LGALS9: variants seen among roughly 807,000 people sequenced by gnomAD.
LGALS9 encodes the protein galectin 9, also known as galectin-9.
A neutral mutation model predicts 35.9 loss-of-function variants in LGALS9; 26 were observed. That is an observed-to-expected ratio of 0.72 (90% confidence interval 0.53 to 1.01). The LOEUF (loss-of-function observed/expected upper bound fraction) is 1.01. LGALS9 is among the 50% of genes least tolerant of loss of function. The pLI, the probability that LGALS9 is intolerant of heterozygous loss-of-function variation, is 0.00. For missense variants in LGALS9, 347 were observed against 445.8 expected, an observed-to-expected ratio of 0.78 and a Z score of 1.99; for synonymous variants, 149 against 172.2, an observed-to-expected ratio of 0.87 and a Z score of 1.06.
At chr17:27,646,801 C>T (rs1039465138) in intron 8 of LGALS9, among the ~76,000 whole-genome samples, 1 of 152,194 alleles carries the variant, frequency 6.6e-6, no homozygotes, top group East Asian at 1.9e-4. Flanking sequence ...TTGCATGTCC[C>T]TCCCTTTTCA....
intron 7 of LGALS9, 56 bp from the exon 8 acceptor site, chr17:27,646,491 G>T: frequency 6.2e-7 from 1 of 1,611,178 alleles, no homozygotes; most frequent in South Asian, 1.1e-5. Context: ...GCGCCTGGGT[G>T]AGTGCTCGCG....
At chr17:27,645,670 C>T (rs538373530) in intron 6 of LGALS9, 191 bp from the exon 7 acceptor site, 1 of 607,440 alleles carries the variant, frequency 1.6e-6, no homozygotes, top group Non-Finnish European at 2.9e-6. Flanking sequence ...CTGTCTTCTC[C>T]AGGGTTCTAA....
At chr17:27,638,623 A>G in intron 2 of LGALS9, 1 of 386,684 alleles carries the variant, frequency 2.6e-6, no homozygotes, top group Non-Finnish European at 4.9e-6. Flanking sequence ...GAGTTGGATG[A>G]TTATGTTCTG....
At chr17:27,642,606 G>A (rs552543371) in intron 4 of LGALS9, among the ~76,000 whole-genome samples, 2 of 152,028 alleles carry the variant, frequency 1.3e-5, no homozygotes, top group East Asian at 3.9e-4. Context: ...TCATCCCTCA[G>A]TTTCCATCCT....
chr17:27,648,929 A>T lies in LGALS9; in HGVS notation c.1015A>T (p.Ile339Phe), dbSNP rs1905126214. 3 of 1,613,874 alleles carry T rather than the reference A, an allele frequency of 1.9e-6. No individual in the cohort carries two copies. The African/African-American group carries it at 4.0e-5, about 22-fold the overall frequency. The change falls in exon 11 of 11, where the codon ATC becomes TTC. Residue 339 changes from isoleucine to phenylalanine, a missense_variant. Transcript: ENST00000395473. ...CCATCGCCTGAGGAACCTGCCCACCATCAACAGACTGGAAGTGGGGGGCGA... is the reference window on the plus strand; with the variant it reads ...CCATCGCCTGAGGAACCTGCCCACCTTCAACAGACTGGAAGTGGGGGGCGA... ...YYHRLRNLPT[I>F]NRLEVGGDIQ...
chr17:27,636,607 T>C (rs1457678627), intron 1 of LGALS9, among the ~76,000 whole-genome samples: 1 of 151,940 alleles, frequency 6.6e-6, no homozygotes, highest in East Asian at 1.9e-4. Flanking sequence ...GTAACTAGAG[T>C]TAAAGGTGTG....
chr17:27,631,454 C>T (rs1270307094), intron 1 of LGALS9, 150 bp downstream of exon 1: 1 of 1,058,754 alleles, frequency 9.4e-7, no homozygotes, highest in Non-Finnish European at 1.4e-6. Flanking sequence ...AGGAGGTCAT[C>T]CTGGCACACC....
At chr17:27,634,066 C>G (rs1598178072) in intron 1 of LGALS9, among the ~76,000 whole-genome samples, 1 of 152,246 alleles carries the variant, frequency 6.6e-6, no homozygotes, top group Non-Finnish European at 1.5e-5. Flanking sequence ...CCACAGCAGC[C>G]TTGGCTGGCC....
chr17:27,632,625 C>CA (rs1272107388), intron 1 of LGALS9, among the ~76,000 whole-genome samples: 1 of 152,150 alleles, frequency 6.6e-6, no homozygotes, highest in Non-Finnish European at 1.5e-5. Context: ...GGTTTTCTGT[C>CA]AAAGAGGGGA....
chr17:27,644,755 G>A (rs1904804843), intron 5 of LGALS9: 1 of 155,722 alleles, frequency 6.4e-6, no homozygotes, highest in African/African-American at 2.4e-5. Flanking sequence ...CCTGGCCCTG[G>A]CGCTGGCCCT....
intron 1 of LGALS9, among the ~76,000 whole-genome samples, chr17:27,637,354 G>A (rs529950338): frequency 1.6e-4 from 24 of 152,292 alleles, no homozygotes; most frequent in African/African-American, 5.5e-4. Context: ...TACAGATGAG[G>A]AAACTGAGGC....
intron 1 of LGALS9, among the ~76,000 whole-genome samples, chr17:27,633,318 C>G (rs1483696341): frequency 6.6e-6 from 1 of 152,230 alleles, no homozygotes; most frequent in Non-Finnish European, 1.5e-5. Flanking sequence ...CCAAATGCCA[C>G]AGCAGCCTTA....
intron 2 of LGALS9, among the ~76,000 whole-genome samples, chr17:27,639,958 G>A (rs1409484283): frequency 1.3e-5 from 2 of 151,988 alleles, no homozygotes; most frequent in Admixed American, 6.5e-5. Context: ...GGATGGTCTC[G>A]AACTCCAGAC....
chr17:27,634,427 T>G (rs1185622446), intron 1 of LGALS9, among the ~76,000 whole-genome samples: 4 of 152,134 alleles, frequency 2.6e-5, no homozygotes, highest in Admixed American at 6.5e-5. Context: ...GGTGCATGCC[T>G]GTAGTCCTAG....
chr17:27,647,240 A>C lies in LGALS9; in HGVS notation c.759-30A>C, dbSNP rs150379402. On this transcript the variant is annotated intron_variant, in intron 9 of 10. Coordinates refer to ENST00000395473, the MANE Select transcript of LGALS9 (RefSeq NM_009587.3). Reference sequence around the variant, plus strand: ...GGAAATGGGACTCAGAATTCGGTGGATAAAGGTTCAGGTGGGCTGCCCACC... The same window carrying C: ...GGAAATGGGACTCAGAATTCGGTGGCTAAAGGTTCAGGTGGGCTGCCCACC... 36 of 1,613,432 alleles carry C rather than the reference A, an allele frequency of 2.2e-5. No individual in the cohort carries two copies. The African/African-American group carries it at 3.7e-4, about 17-fold the overall frequency.
intron 9 of LGALS9, 23 bp downstream of exon 9, chr17:27,647,141 C>A (rs1567919744): frequency 6.2e-7 from 1 of 1,614,210 alleles, no homozygotes. Flanking sequence ...CTCCAGTGAC[C>A]TCTGGGAAGA....
chr17:27,637,529 G>GGGGCCTGGGATGGGTGGAC (rs2074466167), intron 1 of LGALS9, among the ~76,000 whole-genome samples: 1 of 152,228 alleles, frequency 6.6e-6, no homozygotes, highest in Non-Finnish European at 1.5e-5. Context: ...GGTTGCCCGT[G>GGGGCCTGGGATGGGTGGAC]GGGCCTGGGA....
At chr17:27,637,829 C>A (rs1418345819) in intron 1 of LGALS9, among the ~76,000 whole-genome samples, 4 of 152,158 alleles carry the variant, frequency 2.6e-5, no homozygotes, top group Admixed American at 2.6e-4. Context: ...AGTCTCCAGC[C>A]AGGGCCTGGG....
Position 27,642,579 on chromosome 17 carries a change from C to T in LGALS9, c.444+231C>T, listed in dbSNP as rs530189685. 2.0e-5 allele frequency among the ~76,000 whole-genome samples: 3 copies of T among 152,118 alleles called. No individual in the cohort carries two copies. In the South Asian group the frequency reaches 6.2e-4, roughly 31 times the overall value. ...ACCTGCCTTGGTCTCCCAGACTCCT[C>T]AGCTGCCCCTTTCTCTTCATCCCTC... On this transcript the variant is annotated intron_variant, in intron 4 of 10. Coordinates refer to ENST00000395473, the MANE Select transcript of LGALS9 (RefSeq NM_009587.3).
Sources: allele counts gnomAD v4.1 joint callset (sites outside exome capture counted in the v4.1 genomes callset), GRCh38; gene constraint gnomAD v4.1.1; transcripts MANE v1.5; gene names NCBI Gene and HGNC (gene_info 2026-07-23, HGNC 2026-07-21).